DGKH: variants seen among roughly 807,000 people sequenced by gnomAD.
DGKH encodes diacylglycerol kinase eta.
DGKH carries 90 observed loss-of-function variants against 159.3 expected under a neutral mutation model. The ratio of observed to expected loss-of-function variants is 0.57; its 90% confidence interval spans 0.48 to 0.67. DGKH has a LOEUF of 0.67. DGKH is among the 30% of genes least tolerant of loss of function. The pLI is 0.00. For synonymous variants in DGKH, 536 were observed against 553.8 expected (o/e 0.97, Z 0.45); for missense variants, 1,181 against 1,506.1 (o/e 0.78, Z 3.57).
At chr13:42,139,766 AT>A (rs887902402) in intron 3 of DGKH, among the ~76,000 whole-genome samples, 4 of 152,244 alleles carry the variant, frequency 2.6e-5, no homozygotes, top group African/African-American at 9.6e-5. Flanking sequence ...ACAGTGCTAA[AT>A]AAAAAAAATT....
At chr13:42,188,903 A>T in intron 14 of DGKH, 133 bp from the exon 15 acceptor site, 3 of 991,936 alleles carry the variant, frequency 3.0e-6, no homozygotes, top group Non-Finnish European at 4.3e-6. Context: ...CTACAAAATT[A>T]AAGGTGAGAA....
At chr13:42,084,602 G>A (rs531124889) in intron 1 of DGKH, among the ~76,000 whole-genome samples, 201 of 152,082 alleles carry the variant, frequency 1.3e-3, no homozygotes, top group African/African-American at 4.5e-3. Flanking sequence ...TTAAACAAAT[G>A]TTAAAATAAC....
At position 42,159,349 on chromosome 13, in the gene DGKH, G is replaced by A. The variant is rs1367644869; in HGVS notation, c.706G>A (p.Asp236Asn). 4.4e-6 allele frequency: 7 copies of A among 1,592,452 alleles called. No individual in the cohort carries two copies. In the African/African-American group the frequency reaches 9.6e-5, roughly 22 times the overall value. Reference protein sequence around the residue: ...KWTTLASIGKDIIEDEDGVAM... With the variant: ...KWTTLASIGKNIIEDEDGVAM... ...GACTACCCTGGCCTCCATCGGGAAG[G>A]ACATTATAGAAGATGAAGATGGCGT... The change falls in exon 6 of 30, where the codon GAC becomes AAC. Residue 236 changes from aspartate to asparagine, a missense_variant. Physicochemically the swap from Asp to Asn is conservative, Grantham distance 23. This residue lies in a region of DGKH where 369 missense variants were observed against 519.4 expected (regional missense o/e 0.71). Transcript: ENST00000337343.
chr13:42,161,781 C>CAA (rs34855614), intron 7 of DGKH, among the ~76,000 whole-genome samples: 35 of 100,582 alleles, frequency 3.5e-4, no homozygotes, highest in East Asian at 2.1e-3. Context: ...CTCTGCCTCT[C>CAA]AAAAAAAAAA....
At chr13:42,214,878 A>G (rs149357674) in intron 25 of DGKH, among the ~76,000 whole-genome samples, 1 of 151,942 alleles carries the variant, frequency 6.6e-6, no homozygotes, top group East Asian at 1.9e-4. Flanking sequence ...TCTTTTTTGA[A>G]CTTTAATCGT....
intron 3 of DGKH, among the ~76,000 whole-genome samples, chr13:42,136,168 G>A (rs1955398854): frequency 6.6e-6 from 1 of 152,128 alleles, no homozygotes; most frequent in African/African-American, 2.4e-5. Flanking sequence ...TAATAAAAGT[G>A]GCAGTTATTC....
At chr13:42,181,709 C>T in intron 13 of DGKH, 1 of 640,452 alleles carries the variant, frequency 1.6e-6, no homozygotes, top group Non-Finnish European at 2.5e-6. Flanking sequence ...GTATATGCCC[C>T]ACAGCAGGGC....
chr13:42,097,877 T>C (rs1448342570), intron 1 of DGKH, among the ~76,000 whole-genome samples: 3 of 152,206 alleles, frequency 2.0e-5, no homozygotes, highest in Non-Finnish European at 4.4e-5. Context: ...TATCCTGGCA[T>C]CCAGAGGTAC....
chr13:42,096,497 A>G (rs748678469), intron 1 of DGKH, among the ~76,000 whole-genome samples: 4 of 152,156 alleles, frequency 2.6e-5, no homozygotes, highest in Non-Finnish European at 5.9e-5. Context: ...CCATTGATGG[A>G]CACCTGGGAT....
At chr13:42,079,642 T>A (rs2137716027) in intron 1 of DGKH, among the ~76,000 whole-genome samples, 1 of 152,308 alleles carries the variant, frequency 6.6e-6, no homozygotes, top group South Asian at 2.1e-4. Context: ...AAAGATGAAC[T>A]ATTCTCACTC....
At chr13:42,165,096 T>C (rs538021567) in intron 7 of DGKH, among the ~76,000 whole-genome samples, 1 of 152,262 alleles carries the variant, frequency 6.6e-6, no homozygotes, top group South Asian at 2.1e-4. Context: ...TCATTAACTA[T>C]ATATTCCTCT....
At chr13:42,147,851 G>C (rs967224468) in intron 3 of DGKH, among the ~76,000 whole-genome samples, 4 of 152,092 alleles carry the variant, frequency 2.6e-5, no homozygotes, top group Non-Finnish European at 5.9e-5. Flanking sequence ...TTCTCGGAAG[G>C]TGCCTGGCTT....
chr13:42,234,051 A>G lies in DGKH; in HGVS notation c.*4863A>G, dbSNP rs1958361765. ...AGATCTGTTTTCCTTACACTCACTTATCTTGATGTTCACATGGTTAATAAT... is the reference window on the plus strand; with the variant it reads ...AGATCTGTTTTCCTTACACTCACTTGTCTTGATGTTCACATGGTTAATAAT... On this transcript the variant is annotated 3_prime_UTR_variant, in exon 30 of 30. Coordinates refer to ENST00000337343, the MANE Select transcript of DGKH (RefSeq NM_178009.5). 1 of 152,192 alleles carries G rather than the reference A, an allele frequency of 6.6e-6. No individual in the cohort carries two copies. Among genetic ancestry groups the G allele is most frequent in the Non-Finnish European group, 1.5e-5 (1 of 68,026 alleles). 9.4% of individuals were successfully genotyped at this position (152,192 alleles called of 1,614,324 possible). A position where few individuals can be genotyped will look rare whatever the true frequency, so the allele number is the denominator to read the frequency against.
rs1954276548 is a variant in DGKH at position 42,085,050 on chromosome 13, A to G, written c.192+36085A>G. On this transcript the variant is annotated intron_variant, in intron 1 of 29. Coordinates refer to ENST00000337343, the MANE Select transcript of DGKH (RefSeq NM_178009.5). ...ATGAAGCAGTTGTCCATTTTGAGTT[A>G]CCCATTTTATGAATTGGCATATGAT... Among the ~76,000 whole-genome samples, 4 of 152,116 alleles carry G rather than the reference A, an allele frequency of 2.6e-5. No homozygotes were observed. In the South Asian group the frequency reaches 8.3e-4, roughly 32 times the overall value.
chr13:42,254,079 G>T (rs1396801453), intron 30 of DGKH, among the ~76,000 whole-genome samples: 7 of 151,830 alleles, frequency 4.6e-5, no homozygotes, highest in Non-Finnish European at 1.0e-4. Flanking sequence ...GTATATTGGT[G>T]TAGCATTTTG....
At chr13:42,226,936 A>C (rs1958148885) in intron 29 of DGKH, among the ~76,000 whole-genome samples, 1 of 152,166 alleles carries the variant, frequency 6.6e-6, no homozygotes, top group Non-Finnish European at 1.5e-5. Flanking sequence ...AGCCATAAAA[A>C]GGAACTGGAT....
intron 1 of DGKH, among the ~76,000 whole-genome samples, chr13:42,085,317 CT>C (rs1307182220): frequency 6.6e-6 from 1 of 152,134 alleles, no homozygotes; most frequent in Non-Finnish European, 1.5e-5. Context: ...TCCCTTCCCC[CT>C]ATGCTTCTCT....
chr13:42,115,021 G>A (rs1034920873), intron 1 of DGKH, among the ~76,000 whole-genome samples: 3 of 152,190 alleles, frequency 2.0e-5, no homozygotes, highest in Non-Finnish European at 4.4e-5. Context: ...GGCAGGTGAT[G>A]TTTATTTATT....
chr13:42,141,505 A>C (rs1212349531), intron 3 of DGKH, among the ~76,000 whole-genome samples: 1 of 152,188 alleles, frequency 6.6e-6, no homozygotes, highest in East Asian at 1.9e-4. Flanking sequence ...GAACTAGTTT[A>C]CAGTCCCACC....
Sources: gnomAD v4.1 joint callset for allele counts (sites outside exome capture counted in the v4.1 genomes callset) on GRCh38, gnomAD v4.1.1 for gene constraint, gnomAD v4.1.1 regional missense constraint, MANE v1.5 for transcripts, NCBI Gene and HGNC (gene_info 2026-07-23, HGNC 2026-07-21) for gene names.